Variants in PHACTR3 observed in about 807,000 individuals in gnomAD.
PHACTR3 encodes phosphatase and actin regulator 3, also known as protein phosphatase 1, regulatory subunit 123.
A neutral mutation model predicts 66.8 loss-of-function variants in PHACTR3; 16 were observed. That is an observed-to-expected ratio of 0.24 (90% confidence interval 0.16 to 0.36). The LOEUF is 0.36. Ranked by LOEUF, PHACTR3 falls within the 10% of genes least tolerant of loss-of-function variation. The pLI is 1.00. For synonymous variants in PHACTR3, 323 were observed against 292.1 expected, an observed-to-expected ratio of 1.11 and a Z score of -1.08; for missense variants, 647 against 719.9, an observed-to-expected ratio of 0.90 and a Z score of 1.16.
intron 1 of PHACTR3, among the ~76,000 whole-genome samples, chr20:59,644,057 C>T (rs952215984): frequency 5.9e-5 from 9 of 152,124 alleles, no homozygotes; most frequent in East Asian, 1.9e-4. Flanking sequence ...CTGCATCCGT[C>T]GGACTTGCCA....
At chr20:59,663,115 C>G (rs1215001121) in intron 1 of PHACTR3, among the ~76,000 whole-genome samples, 1 of 152,232 alleles carries the variant, frequency 6.6e-6, no homozygotes, top group Non-Finnish European at 1.5e-5. Flanking sequence ...CCTCTGGGCG[C>G]CTTCACGTGG....
intron 1 of PHACTR3, among the ~76,000 whole-genome samples, chr20:59,597,771 C>T (rs1368064899): frequency 6.6e-6 from 1 of 152,242 alleles, no homozygotes. Context: ...GTTAGCGTTT[C>T]ATCCTCCTGT....
intron 1 of PHACTR3, among the ~76,000 whole-genome samples, chr20:59,624,236 A>G (rs1163303294): frequency 2.0e-5 from 3 of 152,138 alleles, no homozygotes; most frequent in African/African-American, 7.2e-5. Flanking sequence ...TACAGCATGC[A>G]CCAACCCCTC....
intron 7 of PHACTR3, among the ~76,000 whole-genome samples, chr20:59,793,250 T>C (rs2041157951): frequency 6.6e-6 from 1 of 152,194 alleles, no homozygotes; most frequent in African/African-American, 2.4e-5. Flanking sequence ...TGCTCAAGAT[T>C]GCTGTAAATA....
intron 1 of PHACTR3, among the ~76,000 whole-genome samples, chr20:59,635,166 T>TTTCC (rs1600971614): frequency 2.2e-5 from 1 of 46,188 alleles, no homozygotes; most frequent in Non-Finnish European, 4.0e-5. Context: ...TCTTTCTTTC[T>TTTCC]TTCCTTTCTT....
intron 1 of PHACTR3, among the ~76,000 whole-genome samples, chr20:59,710,976 T>C (rs1421533912): frequency 6.6e-6 from 1 of 152,188 alleles, no homozygotes; most frequent in Non-Finnish European, 1.5e-5. Context: ...AAAATTAAAG[T>C]CATTCCCAGT....
intron 9 of PHACTR3, 60 bp from the exon 10 acceptor site, chr20:59,840,306 GAGA>G: frequency 3.2e-6 from 5 of 1,577,246 alleles, no homozygotes; most frequent in South Asian, 1.2e-5. Context: ...CCCTGCTGAA[GAGA>G]AGAACGTTTC....
At chr20:59,598,138 G>T (rs1316194767) in intron 1 of PHACTR3, among the ~76,000 whole-genome samples, 1 of 152,172 alleles carries the variant, frequency 6.6e-6, no homozygotes, top group Non-Finnish European at 1.5e-5. Context: ...TGCCTTCCCT[G>T]TCGAAAGCCT....
intron 1 of PHACTR3, among the ~76,000 whole-genome samples, chr20:59,580,542 G>A (rs1035160067): frequency 2.0e-5 from 3 of 151,680 alleles, no homozygotes; most frequent in Non-Finnish European, 2.9e-5. Flanking sequence ...CTGACTCGTA[G>A]TGGGTTATTT....
At chr20:59,727,252 C>G (rs1386863705) in intron 1 of PHACTR3, among the ~76,000 whole-genome samples, 1 of 152,138 alleles carries the variant, frequency 6.6e-6, no homozygotes, top group Non-Finnish European at 1.5e-5. Context: ...TCCCTCCACA[C>G]TGTAGCAGGT....
chr20:59,599,978 C>T (rs2033426537), upstream of PHACTR3, among the ~76,000 whole-genome samples: 1 of 152,176 alleles, frequency 6.6e-6, no homozygotes, highest in African/African-American at 2.4e-5. Context: ...AGTGGCTTTC[C>T]ACCATCCTTG....
At chr20:59,817,830 A>G (rs1389837586) in intron 8 of PHACTR3, among the ~76,000 whole-genome samples, 1 of 152,248 alleles carries the variant, frequency 6.6e-6, no homozygotes. Flanking sequence ...GTGTGCACCC[A>G]GAAAACATAT....
intron 8 of PHACTR3, among the ~76,000 whole-genome samples, chr20:59,808,055 T>C (rs2041622440): frequency 1.3e-5 from 2 of 152,148 alleles, no homozygotes. Context: ...GTCTTGCTGG[T>C]TGAGGTCTGA....
intron 1 of PHACTR3, among the ~76,000 whole-genome samples, chr20:59,624,638 G>A (rs779031312): frequency 2.6e-5 from 4 of 152,114 alleles, no homozygotes; most frequent in East Asian, 1.9e-4. Flanking sequence ...AGTCCCTACC[G>A]GAGTGGTCTC....
At chr20:59,638,802 A>ATGGG (rs1223580473) in intron 1 of PHACTR3, among the ~76,000 whole-genome samples, 1 of 140,804 alleles carries the variant, frequency 7.1e-6, no homozygotes, top group Admixed American at 7.0e-5. Flanking sequence ...GGATAGATGG[A>ATGGG]TGGATGGACG....
Position 59,604,938 on chromosome 20 carries a change from C to T in PHACTR3, c.-77C>T, listed in dbSNP as rs1262265210. 4.2e-5 allele frequency: 51 copies of T among 1,227,628 alleles called. No homozygotes were observed. Among genetic ancestry groups the T allele is most frequent in the Admixed American group, 1.3e-4 (3 of 23,320 alleles). 76.0% of individuals were successfully genotyped at this position (1,227,628 alleles called of 1,614,324 possible). A position where few individuals can be genotyped will look rare whatever the true frequency, so the allele number is the denominator to read the frequency against. On this transcript the variant is annotated 5_prime_UTR_variant, in exon 1 of 13. Transcript: ENST00000371015. ...AAAAAGACGCCCCCTCCAGCCCCCT[C>T]GCCGGTGACCTTGGCCGCCTCGGAT...
At chr20:59,834,526 G>C (rs1005681971) in intron 8 of PHACTR3, among the ~76,000 whole-genome samples, 6 of 152,174 alleles carry the variant, frequency 3.9e-5, no homozygotes, top group Non-Finnish European at 5.9e-5. Flanking sequence ...TGCAGACACT[G>C]CTGTACCAAG....
chr20:59,759,244 G>A (rs2039913842), intron 4 of PHACTR3, among the ~76,000 whole-genome samples: 1 of 152,094 alleles, frequency 6.6e-6, no homozygotes, highest in Admixed American at 6.5e-5. Flanking sequence ...CAGGGACATC[G>A]GTCACCTCCA....
At chr20:59,818,709 A>G (rs1237752611) in intron 8 of PHACTR3, among the ~76,000 whole-genome samples, 1 of 152,214 alleles carries the variant, frequency 6.6e-6, no homozygotes, top group Non-Finnish European at 1.5e-5. Flanking sequence ...ATGACCAGTT[A>G]TTGGTGTCAC....
Sources: allele counts gnomAD v4.1 joint callset (sites outside exome capture counted in the v4.1 genomes callset), GRCh38; gene constraint gnomAD v4.1.1; transcripts MANE v1.5; gene names NCBI Gene and HGNC (gene_info 2026-07-23, HGNC 2026-07-21).